PAIP2: variants seen among roughly 807,000 people sequenced by gnomAD.
PAIP2 encodes the protein polyadenylate-binding protein-interacting protein 2.
PAIP2 carries 7 observed loss-of-function variants against 14.8 expected under a neutral mutation model. The observed-to-expected ratio is 0.47, with a 90% CI of 0.27 to 0.89. PAIP2 has a LOEUF of 0.89. Ranked by LOEUF, PAIP2 falls within the 40% of genes least tolerant of loss-of-function variation. The pLI, the probability that PAIP2 is intolerant of heterozygous loss-of-function variation, is 0.13. For synonymous variants in PAIP2, 47 were observed against 45.3 expected, an observed-to-expected ratio of 1.04 and a Z score of -0.15; for missense variants, 122 against 154.7, an observed-to-expected ratio of 0.79 and a Z score of 1.12.
chr5:139,364,713 C>G lies in PAIP2; in HGVS notation c.288C>G (p.Ile96Met). ...QIQDQFNDLV[I>M]SDGSSLEDLV... ...AAGACCAGTTTAATGACCTTGTTAT[C>G]AGTGATGGCTCTTCTCTGGAAGATC... The change falls in exon 3 of 4, where the codon ATC becomes ATG. Residue 96 changes from isoleucine (I) to methionine (M), a missense_variant. Physicochemically the swap from Ile to Met is conservative, Grantham distance 10. This residue lies in a region of PAIP2 where 46 missense variants were observed against 44.0 expected (regional missense o/e 1.05). Transcript: ENST00000265192. The G allele has an allele frequency of 1.2e-6, 2 of 1,611,082 alleles. No homozygotes were observed. The highest frequency in any genetic ancestry group is 1.7e-6 in the Non-Finnish European group (2 of 1,178,232).
intron 2 of PAIP2, 86 bp downstream of exon 2, chr5:139,364,008 C>T (rs1757147601): frequency 9.4e-6 from 11 of 1,169,522 alleles, no homozygotes; most frequent in Non-Finnish European, 1.4e-5. Context: ...TTTATCTTGT[C>T]CTTTATGTAT....
chr5:139,357,612 C>A (rs1452382379), intron 1 of PAIP2, among the ~76,000 whole-genome samples: 1 of 152,070 alleles, frequency 6.6e-6, no homozygotes, highest in Non-Finnish European at 1.5e-5. Context: ...GCGGGCGGAT[C>A]ACGAGGTCAA....
chr5:139,353,723 C>CTTT (rs11371364), intron 1 of PAIP2, among the ~76,000 whole-genome samples: 2 of 145,754 alleles, frequency 1.4e-5, no homozygotes, highest in Non-Finnish European at 3.0e-5. Flanking sequence ...ATTGTCTTTT[C>CTTT]TTTTTTTTTT....
At chr5:139,357,513 A>G (rs1756949706) in intron 1 of PAIP2, among the ~76,000 whole-genome samples, 1 of 152,164 alleles carries the variant, frequency 6.6e-6, no homozygotes, top group South Asian at 2.1e-4. Flanking sequence ...AGCCAGGTCA[A>G]AACAACCAGA....
At chr5:139,351,287 A>G (rs1312022674) in intron 1 of PAIP2, among the ~76,000 whole-genome samples, 1 of 152,050 alleles carries the variant, frequency 6.6e-6, no homozygotes, top group Non-Finnish European at 1.5e-5. Context: ...AATATATCCT[A>G]TACGAAGCAC....
chr5:139,344,562 CTAAATTTTAAT>C (rs1756479110), intron 1 of PAIP2, among the ~76,000 whole-genome samples: 1 of 152,160 alleles, frequency 6.6e-6, no homozygotes, highest in South Asian at 2.1e-4. Flanking sequence ...AAATGAAGAA[CTAAATTTTAAT>C]TAAATAGATC....
At chr5:139,361,802 A>C (rs1038085861) in intron 1 of PAIP2, among the ~76,000 whole-genome samples, 2 of 152,084 alleles carry the variant, frequency 1.3e-5, no homozygotes, top group Non-Finnish European at 2.9e-5. Context: ...AAAGTTAGCC[A>C]GGTGATAATG....
At position 139,364,708 on chromosome 5, in the gene PAIP2, G is replaced by C. The variant is rs774622187; in HGVS notation, c.283G>C (p.Val95Leu). The change falls in exon 3 of 4, where the codon GTT becomes CTT. Residue 95 changes from valine (V) to leucine (L), a missense_variant. This residue lies in a region of PAIP2 where 46 missense variants were observed against 44.0 expected (regional missense o/e 1.05). Transcript: ENST00000265192. Reference sequence around the variant, plus strand: ...AATCCAAGACCAGTTTAATGACCTTGTTATCAGTGATGGCTCTTCTCTGGA... The same window carrying C: ...AATCCAAGACCAGTTTAATGACCTTCTTATCAGTGATGGCTCTTCTCTGGA... ...DQIQDQFNDL[V>L]ISDGSSLEDL... The C allele has an allele frequency of 1.2e-6, 2 of 1,612,224 alleles. No individual in the cohort carries two copies. The highest frequency in any genetic ancestry group is 2.2e-5 in the South Asian group (2 of 90,720).
At chr5:139,352,762 C>T (rs929528627) in intron 1 of PAIP2, among the ~76,000 whole-genome samples, 6 of 151,684 alleles carry the variant, frequency 4.0e-5, no homozygotes, top group South Asian at 2.1e-4. Flanking sequence ...TGAGCCACCA[C>T]GCCCAGCCTA....
At chr5:139,349,691 G>A (rs1250095749) in intron 1 of PAIP2, among the ~76,000 whole-genome samples, 1 of 152,018 alleles carries the variant, frequency 6.6e-6, no homozygotes, top group Non-Finnish European at 1.5e-5. Flanking sequence ...GACATAAAAC[G>A]AAACATCAGT....
intron 3 of PAIP2, among the ~76,000 whole-genome samples, chr5:139,366,202 C>CAA (rs1215094572): frequency 0.01 from 258 of 24,612 alleles, 1 homozygote; most frequent in Non-Finnish European, 0.014. Flanking sequence ...GACTCCACCT[C>CAA]AAAAAAAAAA....
At chr5:139,347,908 A>T (rs1435708271) in intron 1 of PAIP2, among the ~76,000 whole-genome samples, 1 of 152,162 alleles carries the variant, frequency 6.6e-6, no homozygotes, top group African/African-American at 2.4e-5. Context: ...GTGGTGGCTC[A>T]TATCTGTAAT....
intron 1 of PAIP2, 58 bp downstream of exon 1, chr5:139,342,038 G>C (rs929612297): frequency 6.5e-6 from 1 of 152,746 alleles, no homozygotes; most frequent in African/African-American, 2.4e-5. Flanking sequence ...GGGACAGCAA[G>C]TCGGCGACGG....
intron 3 of PAIP2, among the ~76,000 whole-genome samples, chr5:139,367,827 TCCTTTAACTTA>T (rs1757359961): frequency 6.6e-6 from 1 of 152,240 alleles, no homozygotes; most frequent in Non-Finnish European, 1.5e-5. Context: ...TCCGTGCTAT[TCCTTTAACTTA>T]TGTGAAGTTA....
At chr5:139,364,472 G>C in intron 2 of PAIP2, 92 bp from the exon 3 acceptor site, 1 of 686,514 alleles carries the variant, frequency 1.5e-6, no homozygotes, top group Non-Finnish European at 2.4e-6. Context: ...GTATGACTTT[G>C]TGCCTTTAAA....
At chr5:139,342,264 C>G (rs1561954429) in intron 1 of PAIP2, among the ~76,000 whole-genome samples, 1 of 152,010 alleles carries the variant, frequency 6.6e-6, no homozygotes, top group African/African-American at 2.4e-5. Flanking sequence ...CGAGGGTTGC[C>G]GGGATAGCAC....
chr5:139,366,613 G>A (rs989805721), intron 3 of PAIP2, among the ~76,000 whole-genome samples: 14 of 152,176 alleles, frequency 9.2e-5, no homozygotes, highest in Non-Finnish European at 1.5e-4. Flanking sequence ...AAATAATCCA[G>A]TTGCCCTGCA....
At chr5:139,364,210 A>G (rs917486591) in intron 2 of PAIP2, among the ~76,000 whole-genome samples, 14 of 152,162 alleles carry the variant, frequency 9.2e-5, no homozygotes, top group African/African-American at 3.4e-4. Flanking sequence ...GAGCAGTCAG[A>G]TGTGGAAACC....
At chr5:139,356,813 G>A (rs1027102951) in intron 1 of PAIP2, among the ~76,000 whole-genome samples, 17 of 151,532 alleles carry the variant, frequency 1.1e-4, no homozygotes, top group Non-Finnish European at 1.8e-4. Flanking sequence ...CTTGAACCCG[G>A]GAGGTGGAGG....
Sources: allele counts gnomAD v4.1 joint callset (sites outside exome capture counted in the v4.1 genomes callset), GRCh38; gene constraint gnomAD v4.1.1; regional missense constraint gnomAD v4.1.1; transcripts MANE v1.5; gene names NCBI Gene and HGNC (gene_info 2026-07-23, HGNC 2026-07-21).